The following EYS variants were observed in gnomAD, a reference collection of about 807,000 sequenced individuals.
EYS encodes EGF-like photoreceptor maintenance factor, also known as protein eyes shut homolog.
A neutral mutation model predicts 282.1 loss-of-function variants in EYS; 250 were observed. That is an observed-to-expected ratio of 0.89 (90% CI 0.80 to 0.98). The LOEUF (loss-of-function observed/expected upper bound fraction) is 0.98. Among genes scored for constraint, EYS ranks in the 50% least tolerant of loss-of-function variants. The pLI, the probability that EYS is intolerant of heterozygous loss-of-function variation, is 0.00. For missense variants in EYS, 4,016 were observed against 3,709.0 expected (o/e 1.08, Z -2.15); for synonymous variants, 1,355 against 1,282.9 (o/e 1.06, Z -1.20).
At chr6:65,235,063 T>C (rs1043058990) in intron 12 of EYS, among the ~76,000 whole-genome samples, 35 of 152,170 alleles carry the variant, frequency 2.3e-4, no homozygotes, top group African/African-American at 8.2e-4. Context: ...GTTTTATCTT[T>C]GCAGCATTAA....
chr6:65,374,357 C>A (rs1252793581), intron 8 of EYS, among the ~76,000 whole-genome samples: 1 of 152,102 alleles, frequency 6.6e-6, no homozygotes, highest in African/African-American at 2.4e-5. Flanking sequence ...AGGGACTGGG[C>A]TATCTGGCCC....
intron 31 of EYS, among the ~76,000 whole-genome samples, chr6:64,103,968 CTGAG>C (rs1772919984): frequency 6.6e-6 from 1 of 152,004 alleles, no homozygotes; most frequent in African/African-American, 2.4e-5. Context: ...GTTTTAAAGT[CTGAG>C]TGACCTGGAT....
At chr6:64,274,133 A>G (rs1582519214) in intron 30 of EYS, among the ~76,000 whole-genome samples, 1 of 152,172 alleles carries the variant, frequency 6.6e-6, no homozygotes, top group East Asian at 1.9e-4. Flanking sequence ...TCAGGTCTAT[A>G]CGCTATGGCC....
At chr6:64,499,989 ACT>A (rs940968373) in intron 26 of EYS, among the ~76,000 whole-genome samples, 2 of 152,052 alleles carry the variant, frequency 1.3e-5, no homozygotes, top group African/African-American at 2.4e-5. Context: ...GACAAGTAAC[ACT>A]CTGTTTTTGA....
At position 64,082,016 on chromosome 6, in the gene EYS, T is replaced by C; in HGVS notation, c.6425-14A>G. 5 of 1,504,970 alleles carry C rather than the reference T, an allele frequency of 3.3e-6. No homozygotes were observed. The highest frequency in any genetic ancestry group is 1.4e-5 in the African/African-American group (1 of 71,852). 93.2% of individuals were successfully genotyped at this position (1,504,970 alleles called of 1,614,324 possible). A position where few individuals can be genotyped will look rare whatever the true frequency, so the allele number is the denominator to read the frequency against. ...ATAAACCTGCATCTAAAAAAGAAAA[T>C]GGTATTAATATGTTCTGATAGCATT... On this transcript the variant is annotated splice_polypyrimidine_tract_variant and intron_variant, in intron 31 of 42. Coordinates refer to ENST00000503581, the MANE Select transcript of EYS (RefSeq NM_001142800.2).
intron 36 of EYS, among the ~76,000 whole-genome samples, chr6:63,847,492 C>T (rs1772130350): frequency 6.6e-6 from 1 of 152,026 alleles, no homozygotes; most frequent in Non-Finnish European, 1.5e-5. Flanking sequence ...CTTAGAAATG[C>T]ATAATGATAG....
intron 30 of EYS, among the ~76,000 whole-genome samples, chr6:64,270,454 C>T (rs1026753417): frequency 1.6e-4 from 24 of 151,798 alleles, no homozygotes; most frequent in Non-Finnish European, 1.2e-4. Flanking sequence ...GAGAGGTGAA[C>T]GAAAGCACCT....
chr6:65,575,574 T>C (rs548607780), intron 2 of EYS, among the ~76,000 whole-genome samples: 4 of 151,796 alleles, frequency 2.6e-5, no homozygotes, highest in African/African-American at 9.6e-5. Context: ...GTTTGTAGCA[T>C]GAATGATATA....
chr6:64,432,160 C>T (rs1774593506), intron 28 of EYS, among the ~76,000 whole-genome samples: 1 of 152,026 alleles, frequency 6.6e-6, no homozygotes, highest in Non-Finnish European at 1.5e-5. Flanking sequence ...ATAGGAACCA[C>T]CTGCTGCCAA....
chr6:63,818,648 T>C (rs773905668), intron 36 of EYS, among the ~76,000 whole-genome samples: 16 of 152,218 alleles, frequency 1.1e-4, no homozygotes, highest in Non-Finnish European at 1.8e-4. Context: ...TGGAGGCTAG[T>C]CATTTCCCTG....
At chr6:64,647,196 C>A (rs1352954073) in intron 22 of EYS, among the ~76,000 whole-genome samples, 4 of 152,030 alleles carry the variant, frequency 2.6e-5, no homozygotes, top group South Asian at 2.1e-4. Context: ...TCATATCATG[C>A]CTATTTTTAT....
chr6:64,625,728 G>T (rs754164678), intron 23 of EYS, among the ~76,000 whole-genome samples: 1 of 152,130 alleles, frequency 6.6e-6, no homozygotes, highest in Non-Finnish European at 1.5e-5. Context: ...TATTCAGCTC[G>T]TCCATCTCTG....
intron 41 of EYS, among the ~76,000 whole-genome samples, chr6:63,757,908 T>C (rs1182160179): frequency 1.3e-5 from 2 of 152,154 alleles, no homozygotes; most frequent in African/African-American, 4.8e-5. Context: ...TGTTTGTTTG[T>C]TTTCTATTTA....
intron 28 of EYS, among the ~76,000 whole-genome samples, chr6:64,407,711 T>C (rs1561978080): frequency 1.3e-5 from 2 of 152,188 alleles, no homozygotes; most frequent in Non-Finnish European, 2.9e-5. Context: ...TGTACATATA[T>C]GTGTATGTAT....
At chr6:64,821,455 TG>T (rs925050129) in intron 21 of EYS, among the ~76,000 whole-genome samples, 189 bp downstream of exon 21, 21 of 151,216 alleles carry the variant, frequency 1.4e-4, no homozygotes, top group African/African-American at 5.1e-4. Flanking sequence ...AAAGAAAAGG[TG>T]GGGGAAAAAA....
At chr6:65,636,153 A>G (rs1767079794) in intron 2 of EYS, among the ~76,000 whole-genome samples, 1 of 152,210 alleles carries the variant, frequency 6.6e-6, no homozygotes, top group South Asian at 2.1e-4. Context: ...CTCAGTCAGA[A>G]TGACCCAGTA....
chr6:64,673,428 A>G (rs749965475), intron 22 of EYS, among the ~76,000 whole-genome samples: 1 of 152,148 alleles, frequency 6.6e-6, no homozygotes, highest in Non-Finnish European at 1.5e-5. Context: ...ATTTGAATAC[A>G]TTATCTCATT....
chr6:63,955,124 T>A (rs1337034764), intron 35 of EYS, among the ~76,000 whole-genome samples: 1 of 152,138 alleles, frequency 6.6e-6, no homozygotes, highest in African/African-American at 2.4e-5. Context: ...TCCCACAGGG[T>A]CTGAGAAGGC....
At chr6:63,960,243 C>T (rs532240305) in intron 35 of EYS, among the ~76,000 whole-genome samples, 20 of 152,028 alleles carry the variant, frequency 1.3e-4, no homozygotes, top group Admixed American at 6.6e-4. Context: ...TTTGAGGGTT[C>T]GGGACTTCAG....
Sources: allele counts gnomAD v4.1 joint callset (sites outside exome capture counted in the v4.1 genomes callset), GRCh38; gene constraint gnomAD v4.1.1; transcripts MANE v1.5; gene names NCBI Gene and HGNC (gene_info 2026-07-23, HGNC 2026-07-21).